SASH1: variants seen among roughly 807,000 people sequenced by gnomAD.
The protein encoded by SASH1 is SAM and SH3 domain containing 1, also known as SAM and SH3 domain-containing protein 1.
Under a neutral mutation model 125.2 loss-of-function variants are expected in SASH1, and 44 were observed. The observed-to-expected ratio is 0.35, with a 90% confidence interval of 0.28 to 0.45. The LOEUF (loss-of-function observed/expected upper bound fraction) is 0.45. Among genes scored for constraint, SASH1 ranks in the 20% least tolerant of loss-of-function variants. SASH1 has a pLI of 1.00. For synonymous variants in SASH1, 639 were observed against 649.1 expected, an observed-to-expected ratio of 0.98 and a Z score of 0.24; for missense variants, 1,426 against 1,614.5, an observed-to-expected ratio of 0.88 and a Z score of 2.00.
At chr6:148,458,518 G>T (rs1397750175) in intron 4 of SASH1, among the ~76,000 whole-genome samples, 1 of 152,156 alleles carries the variant, frequency 6.6e-6, no homozygotes, top group Non-Finnish European at 1.5e-5. Flanking sequence ...CTTGAGTTTT[G>T]TAAACTCCTG....
At chr6:148,506,499 T>C (rs370075231) in intron 8 of SASH1, among the ~76,000 whole-genome samples, 8 of 152,116 alleles carry the variant, frequency 5.3e-5, no homozygotes, top group African/African-American at 1.7e-4. Context: ...ATAGTAATAG[T>C]AAAAATATTA....
intron 5 of SASH1, among the ~76,000 whole-genome samples, chr6:148,470,038 A>AG (rs1391580852): frequency 6.6e-6 from 1 of 151,794 alleles, no homozygotes; most frequent in Non-Finnish European, 1.5e-5. Flanking sequence ...TAAAAAAAAA[A>AG]AAAGAAAGAA....
chr6:148,264,914 C>A, the SASH1 span, among the ~76,000 whole-genome samples: 1 of 152,244 alleles, frequency 6.6e-6, no homozygotes, highest in African/African-American at 2.4e-5. Flanking sequence ...AGAAAGCATG[C>A]TTCATGAAAG....
At position 148,387,686 on chromosome 6, in the gene SASH1, T is replaced by TTCTC. The variant is rs1783524529; in HGVS notation, c.157-2445_157-2444insCTCT. 4.0e-5 allele frequency among the ~76,000 whole-genome samples: 5 copies of TTCTC among 126,134 alleles called. 1 individual carries two copies. In the East Asian group the frequency reaches 1.1e-3, roughly 28 times the overall value. The allele number at this position is 126,134 out of a possible 152,430, so 82.7% of individuals were successfully genotyped here. Reference sequence around the variant, plus strand: ...TTTCTTTCTTTCTTTCTTTCTTTCTTTCTTTCGGCATCCTTAGTAAATTAT... The same window carrying TTCTC: ...TTTCTTTCTTTCTTTCTTTCTTTCTTTCTCTCTTTCGGCATCCTTAGTAAATTAT... On this transcript the variant is annotated intron_variant, in intron 1 of 19. Transcript: ENST00000367467.
chr6:148,227,384 G>A, the SASH1 span, among the ~76,000 whole-genome samples: 6 of 152,152 alleles, frequency 3.9e-5, no homozygotes, highest in South Asian at 2.1e-4. Flanking sequence ...TTGAGACAGA[G>A]TCTCACTCTG....
At chr6:148,238,782 T>C in the SASH1 span, among the ~76,000 whole-genome samples, 1 of 152,138 alleles carries the variant, frequency 6.6e-6, no homozygotes. Context: ...ATTTAATACA[T>C]CTACCCCACT....
the SASH1 span, among the ~76,000 whole-genome samples, chr6:148,221,078 G>A: frequency 2.0e-5 from 3 of 151,926 alleles, no homozygotes; most frequent in African/African-American, 7.3e-5. Context: ...CTTTCTAAAT[G>A]TTCATTCCAT....
At chr6:148,476,274 C>CAAAAAAAAAAAAAA (rs35854127) in intron 7 of SASH1, among the ~76,000 whole-genome samples, 2 of 88,146 alleles carry the variant, frequency 2.3e-5, no homozygotes, top group Non-Finnish European at 4.6e-5. Flanking sequence ...AAAAGGACAC[C>CAAAAAAAAAAAAAA]AAAAAAAAAA....
At chr6:148,473,252 T>TA (rs2115133837) in intron 6 of SASH1, among the ~76,000 whole-genome samples, 1 of 152,314 alleles carries the variant, frequency 6.6e-6, no homozygotes, top group East Asian at 1.9e-4. Flanking sequence ...ATTTTTTATT[T>TA]ATTTATTTTT....
chr6:148,349,729 CTAAAG>C (rs1359419731), intron 1 of SASH1, among the ~76,000 whole-genome samples: 2 of 152,166 alleles, frequency 1.3e-5, no homozygotes, highest in Non-Finnish European at 2.9e-5. Context: ...TGTACAGTCT[CTAAAG>C]TAATCAAGAC....
intron 1 of SASH1, among the ~76,000 whole-genome samples, chr6:148,274,240 T>C (rs545376724): frequency 6.6e-6 from 1 of 152,278 alleles, no homozygotes; most frequent in South Asian, 2.1e-4. Flanking sequence ...GGTTCTCCTT[T>C]CAACTTGGGG....
chr6:148,305,479 T>G (rs2128515798), intron 1 of SASH1, among the ~76,000 whole-genome samples: 1 of 152,046 alleles, frequency 6.6e-6, no homozygotes, highest in Admixed American at 6.6e-5. Flanking sequence ...AAAAATTAGC[T>G]GGATGTGGTG....
chr6:148,507,638 C>T lies in SASH1; in HGVS notation c.730-6686C>T, dbSNP rs139734468. Among the ~76,000 whole-genome samples the T allele has an allele frequency of 4.6e-3, 703 of 152,272 alleles. 5 individuals are homozygous for T. Among genetic ancestry groups the T allele is most frequent in the Non-Finnish European group, 6.2e-3 (420 of 68,004 alleles). ...TGCCCGCCTCCGTTGGAATTACAGG[C>T]GTGAGCCACTGTGCCTGGCCGTTTT... On this transcript the variant is annotated intron_variant, in intron 8 of 19. Coordinates refer to ENST00000367467, the MANE Select transcript of SASH1 (RefSeq NM_015278.5).
intron 16 of SASH1, 29 bp from the exon 17 acceptor site, chr6:148,540,414 T>C (rs771776246): frequency 2.5e-6 from 4 of 1,570,570 alleles, no homozygotes; most frequent in East Asian, 4.5e-5. Flanking sequence ...ACTCACCTTG[T>C]TGATTTCATG....
the SASH1 span, among the ~76,000 whole-genome samples, chr6:148,216,469 A>G: frequency 0.043 from 6,537 of 152,274 alleles, 194 homozygotes; most frequent in East Asian, 0.11. Flanking sequence ...AATTACTTAC[A>G]GTGGCAAATG....
chr6:148,243,235 G>A, the SASH1 span, among the ~76,000 whole-genome samples: 1 of 152,140 alleles, frequency 6.6e-6, no homozygotes, highest in Non-Finnish European at 1.5e-5. Flanking sequence ...CAGATCACCT[G>A]AGGTCGGGAG....
intron 17 of SASH1, 43 bp from the exon 18 acceptor site, chr6:148,543,637 T>C: frequency 1.3e-6 from 2 of 1,485,808 alleles, no homozygotes; most frequent in South Asian, 2.7e-5. Context: ...TTTGATTGAT[T>C]TGCTTTTAAA....
intron 2 of SASH1, among the ~76,000 whole-genome samples, chr6:148,392,795 G>T (rs1783784113): frequency 6.6e-6 from 1 of 152,208 alleles, no homozygotes; most frequent in Non-Finnish European, 1.5e-5. Flanking sequence ...CCTTGGCCCA[G>T]GTGGGCGGCA....
chr6:148,320,490 C>T (rs367735991), intron 1 of SASH1, among the ~76,000 whole-genome samples: 1 of 152,318 alleles, frequency 6.6e-6, no homozygotes. Flanking sequence ...ATCTACTCAG[C>T]CAAGGGACTG....
Sources: allele counts gnomAD v4.1 joint callset (sites outside exome capture counted in the v4.1 genomes callset), GRCh38; gene constraint gnomAD v4.1.1; transcripts MANE v1.5; gene names NCBI Gene and HGNC (gene_info 2026-07-23, HGNC 2026-07-21).